The following NDFIP2 variants were observed in gnomAD, a reference collection of about 807,000 sequenced individuals.
NDFIP2 encodes the protein NEDD4 family-interacting protein 2.
NDFIP2 carries 19 observed loss-of-function variants against 36.0 expected under a neutral mutation model. The ratio of observed to expected loss-of-function variants is 0.53; its 90% confidence interval spans 0.37 to 0.77. The LOEUF (loss-of-function observed/expected upper bound fraction) is 0.77, where lower values mean the gene tolerates loss of function less well. Ranked by LOEUF, NDFIP2 falls within the 30% of genes least tolerant of loss-of-function variation. NDFIP2 has a pLI of 0.00. For missense variants in NDFIP2, 446 were observed against 435.8 expected (o/e 1.02, Z -0.21); for synonymous variants, 181 against 167.7 (o/e 1.08, Z -0.61).
chr13:79,488,060 A>T (rs772314371), intron 1 of NDFIP2, among the ~76,000 whole-genome samples: 8 of 152,180 alleles, frequency 5.3e-5, no homozygotes, highest in African/African-American at 1.9e-4. Flanking sequence ...CTTCTAGACT[A>T]CTGCTTTTTC....
In NDFIP2 at chr13:79,539,785, C is replaced by G. The variant is rs780155982; in HGVS notation, c.715+10C>G. The G allele has an allele frequency of 1.9e-5, 30 of 1,610,276 alleles. No homozygotes were observed. The highest frequency in any genetic ancestry group is 3.3e-4 in the Middle Eastern group (2 of 6,070). Reference sequence around the variant, plus strand: ...ATGCTGGCATTTTTCAGTAAGTAATCTTCCTAAACTATTTTGGGTTGTTTT... The same window carrying G: ...ATGCTGGCATTTTTCAGTAAGTAATGTTCCTAAACTATTTTGGGTTGTTTT... On this transcript the variant is annotated intron_variant, in intron 4 of 7. Transcript: ENST00000218652.
At chr13:79,536,246 G>C (rs889576080) in intron 3 of NDFIP2, among the ~76,000 whole-genome samples, 4 of 152,142 alleles carry the variant, frequency 2.6e-5, no homozygotes, top group Non-Finnish European at 5.9e-5. Flanking sequence ...CTTATAATGG[G>C]TAGGGCTCTT....
At chr13:79,497,635 A>G (rs1873483093) in intron 1 of NDFIP2, among the ~76,000 whole-genome samples, 1 of 147,046 alleles carries the variant, frequency 6.8e-6, no homozygotes, top group African/African-American at 2.5e-5. Flanking sequence ...CCATGCTGAA[A>G]CTAGAGCCAA....
chr13:79,519,504 G>A (rs1222984625), intron 1 of NDFIP2, among the ~76,000 whole-genome samples: 2 of 152,188 alleles, frequency 1.3e-5, no homozygotes, highest in Non-Finnish European at 2.9e-5. Context: ...AACGTCTTCA[G>A]TCACACTGCT....
In NDFIP2 at chr13:79,552,896, A is replaced by G. The variant is rs982893877; in HGVS notation, c.*383A>G. ...ATTGACTTCTGACCTGACATTTAGT[A>G]TAATAAAAATGAAATTCTTAACCAT... On this transcript the variant is annotated 3_prime_UTR_variant, in exon 8 of 8. Transcript: ENST00000218652. 4 of 152,004 alleles carry G rather than the reference A, an allele frequency of 2.6e-5. No individual in the cohort carries two copies. Among genetic ancestry groups the G allele is most frequent in the South Asian group, 2.1e-4 (1 of 4,820 alleles). 9.4% of individuals were successfully genotyped at this position (152,004 alleles called of 1,614,324 possible).
intron 5 of NDFIP2, among the ~76,000 whole-genome samples, chr13:79,545,780 A>G (rs1241946489): frequency 6.6e-6 from 1 of 151,830 alleles, no homozygotes; most frequent in African/African-American, 2.4e-5. Context: ...TCTGTCGCCC[A>G]GGCTGGAGTG....
intron 1 of NDFIP2, among the ~76,000 whole-genome samples, chr13:79,506,159 C>T (rs1177833402): frequency 6.6e-6 from 1 of 152,044 alleles, no homozygotes; most frequent in Non-Finnish European, 1.5e-5. Context: ...TTCTTTATCC[C>T]TATTCTAGGG....
intron 1 of NDFIP2, among the ~76,000 whole-genome samples, chr13:79,485,719 C>A (rs570807909): frequency 6.6e-6 from 1 of 152,288 alleles, no homozygotes; most frequent in East Asian, 1.9e-4. Flanking sequence ...GTTATACTGA[C>A]AGTATGAATG....
chr13:79,521,384 A>G (rs1319914649), intron 2 of NDFIP2, among the ~76,000 whole-genome samples: 1 of 152,192 alleles, frequency 6.6e-6, no homozygotes, highest in Non-Finnish European at 1.5e-5. Flanking sequence ...TTCCTAAGCA[A>G]TGATTAATTA....
chr13:79,510,456 G>A (rs1874043419), intron 1 of NDFIP2, among the ~76,000 whole-genome samples: 1 of 150,988 alleles, frequency 6.6e-6, no homozygotes. Context: ...ATTGCCTTCC[G>A]AAAGTTCTCT....
At chr13:79,506,054 T>C (rs1434691265) in intron 1 of NDFIP2, among the ~76,000 whole-genome samples, 1 of 152,170 alleles carries the variant, frequency 6.6e-6, no homozygotes, top group Non-Finnish European at 1.5e-5. Flanking sequence ...ATATGAGTTT[T>C]CTAACTTGTA....
At chr13:79,542,883 CT>C (rs113529957) in intron 4 of NDFIP2, among the ~76,000 whole-genome samples, 6,169 of 144,792 alleles carry the variant, frequency 0.043, 406 homozygotes, top group African/African-American at 0.15. Context: ...CTTTTTTTTC[CT>C]TTTTTTTTTT....
chr13:79,534,373 T>TTTG (rs1875145469), intron 3 of NDFIP2, among the ~76,000 whole-genome samples: 1 of 148,514 alleles, frequency 6.7e-6, no homozygotes, highest in African/African-American at 2.5e-5. Flanking sequence ...TTTTTTTTTT[T>TTTG]GATAACATTC....
intron 1 of NDFIP2, among the ~76,000 whole-genome samples, chr13:79,485,685 G>A (rs1041158583): frequency 6.6e-6 from 1 of 152,060 alleles, no homozygotes; most frequent in African/African-American, 2.4e-5. Flanking sequence ...CTACTTTTCA[G>A]TTCTCATGTT....
At chr13:79,508,479 A>G (rs1439543043) in intron 1 of NDFIP2, among the ~76,000 whole-genome samples, 1 of 152,238 alleles carries the variant, frequency 6.6e-6, no homozygotes, top group Non-Finnish European at 1.5e-5. Context: ...ATTATATGCT[A>G]AACAATGGGT....
intron 2 of NDFIP2, among the ~76,000 whole-genome samples, chr13:79,532,413 C>CT (rs1290306819): frequency 6.6e-6 from 1 of 152,092 alleles, no homozygotes; most frequent in Non-Finnish European, 1.5e-5. Context: ...TAGAACCTCC[C>CT]TTTTTTGTGT....
intron 2 of NDFIP2, among the ~76,000 whole-genome samples, chr13:79,532,787 G>A (rs1206986444): frequency 6.6e-6 from 1 of 152,120 alleles, no homozygotes; most frequent in East Asian, 1.9e-4. Context: ...AAAGTATTTG[G>A]GGTCAGGAGC....
At chr13:79,528,202 G>A (rs181935426) in intron 2 of NDFIP2, among the ~76,000 whole-genome samples, 2 of 152,212 alleles carry the variant, frequency 1.3e-5, no homozygotes, top group African/African-American at 4.8e-5. Flanking sequence ...TGAGGCTGAA[G>A]TGAGCTATGT....
intron 2 of NDFIP2, among the ~76,000 whole-genome samples, chr13:79,531,052 G>A (rs902084996): frequency 1.3e-5 from 2 of 152,188 alleles, no homozygotes; most frequent in Non-Finnish European, 2.9e-5. Flanking sequence ...CATAAGACTT[G>A]AAAGTCAGAA....
Sources: gnomAD v4.1 joint callset for allele counts (sites outside exome capture counted in the v4.1 genomes callset) on GRCh38, gnomAD v4.1.1 for gene constraint, MANE v1.5 for transcripts, NCBI Gene and HGNC (gene_info 2026-07-23, HGNC 2026-07-21) for gene names.